RIMBP2: variants seen among roughly 807,000 people sequenced by gnomAD.
RIMBP2 encodes RIMS binding protein 2, also known as RIMS-binding protein 2.
In RIMBP2, 48 loss-of-function variants were observed where a neutral mutation model predicts 118.6. That is an observed-to-expected ratio of 0.40 (90% CI 0.32 to 0.51). The LOEUF is 0.51. RIMBP2 is among the 20% of genes least tolerant of loss of function. The pLI, the probability that RIMBP2 is intolerant of heterozygous loss-of-function variation, is 0.41. For synonymous variants in RIMBP2, 762 were observed against 742.9 expected (o/e 1.03, Z -0.42); for missense variants, 1,551 against 1,768.3 (o/e 0.88, Z 2.20).
chr12:130,629,563 T>C (rs2061854042), intron 1 of RIMBP2, among the ~76,000 whole-genome samples: 1 of 152,114 alleles, frequency 6.6e-6, no homozygotes, highest in Non-Finnish European at 1.5e-5. Context: ...ATGCAGCAGG[T>C]AGAGGTCATA....
At chr12:130,604,058 G>A (rs2060016846) in intron 2 of RIMBP2, among the ~76,000 whole-genome samples, 1 of 152,172 alleles carries the variant, frequency 6.6e-6, no homozygotes, top group Admixed American at 6.5e-5. Context: ...AGCAGGACAG[G>A]ACATGCAGGT....
intron 1 of RIMBP2, among the ~76,000 whole-genome samples, chr12:130,629,879 C>CAACCAAGGAGTAT (rs2061878343): frequency 6.7e-6 from 1 of 149,910 alleles, no homozygotes; most frequent in Admixed American, 6.7e-5. Flanking sequence ...CCAAGGAGTA[C>CAACCAAGGAGTAT]AGCTTCATTT....
intron 1 of RIMBP2, among the ~76,000 whole-genome samples, chr12:130,667,084 G>GAAGA (rs2063969755): frequency 1.3e-5 from 1 of 74,746 alleles, no homozygotes; most frequent in African/African-American, 5.4e-5. Flanking sequence ...AGGAAAAAAT[G>GAAGA]AGGGAGGGAG....
At chr12:130,635,561 T>G (rs2062301832) in intron 1 of RIMBP2, among the ~76,000 whole-genome samples, 3 of 152,170 alleles carry the variant, frequency 2.0e-5, no homozygotes, top group African/African-American at 7.2e-5. Flanking sequence ...GCTGACAGAA[T>G]GGCCACCACC....
intron 1 of RIMBP2, among the ~76,000 whole-genome samples, chr12:130,691,528 CG>C (rs1263777065): frequency 1.3e-5 from 2 of 152,064 alleles, no homozygotes; most frequent in East Asian, 3.9e-4. Context: ...AAAAATTAGC[CG>C]GATGTGATGG....
chr12:130,425,142 G>T, intron 15 of RIMBP2: 1 of 320,724 alleles, frequency 3.1e-6, no homozygotes, highest in Non-Finnish European at 5.7e-6. Flanking sequence ...GAGGGCAGGT[G>T]AGATCCCGGC....
chr12:130,688,930 G>A lies in RIMBP2; in HGVS notation c.-352+27292C>T, dbSNP rs2065190045. ...GCCCAGCAGAACTGGAGCGAAGGTCGGTCGCAGGCAGCAGAGAACTGCCCA... is the reference window on the plus strand; with the variant it reads ...GCCCAGCAGAACTGGAGCGAAGGTCAGTCGCAGGCAGCAGAGAACTGCCCA... On this transcript the variant is annotated intron_variant, in intron 1 of 22. Transcript: ENST00000690449. The surrounding 1 kb of genome is among the most constrained non-coding windows in gnomAD (Gnocchi z 4.7). Among the ~76,000 whole-genome samples the A allele has an allele frequency of 6.6e-6, 1 of 152,240 alleles. No homozygotes were observed.
At position 130,424,326 on chromosome 12, in the gene RIMBP2, C is replaced by T. The variant is rs2076622407; in HGVS notation, c.2945G>A (p.Gly982Asp). ...EDFGEQVGPG[G>D]LLRNDDPQPG... ...CTGGGGGTCGTCGTTCCTGAGGAGG[C>T]CACCAGGGCCCACCTGCTCCCCAAA... is the stretch of plus-strand genomic sequence containing the variant. Residue 982 changes from glycine (G) to aspartate (D), a missense_variant, in exon 16 of 23, where the codon GGC becomes GAC. Gly to Asp is a moderately conservative substitution (Grantham distance 94, BLOSUM62 -1). Transcript: ENST00000690449. This position sits in a 1 kb window ranked among gnomAD's most constrained non-coding sequence, Gnocchi z 9.8. 1.6e-6 allele frequency: 2 copies of T among 1,231,692 alleles called. No homozygotes were observed. The highest frequency in any genetic ancestry group is 4.2e-5 in the Admixed American group (1 of 23,684). 76.3% of individuals were successfully genotyped at this position (1,231,692 alleles called of 1,614,324 possible).
intron 1 of RIMBP2, among the ~76,000 whole-genome samples, chr12:130,644,698 G>A (rs924634465): frequency 9.2e-5 from 14 of 152,328 alleles, no homozygotes; most frequent in African/African-American, 2.4e-4. Flanking sequence ...AGCGAGTGAC[G>A]TCGGAAAAGC....
At chr12:130,421,274 A>G (rs767003298) in intron 17 of RIMBP2, among the ~76,000 whole-genome samples, 22 of 152,276 alleles carry the variant, frequency 1.4e-4, no homozygotes, top group Non-Finnish European at 2.9e-4. Flanking sequence ...CTGATCTGTA[A>G]TAAGTGCCAT....
intron 2 of RIMBP2, among the ~76,000 whole-genome samples, chr12:130,547,871 A>C (rs561767681): frequency 6.6e-6 from 1 of 152,348 alleles, no homozygotes; most frequent in Non-Finnish European, 1.5e-5. Context: ...TACTCATTTA[A>C]GCTTCTAAGC....
At chr12:130,598,961 G>A (rs1187930852) in intron 2 of RIMBP2, among the ~76,000 whole-genome samples, 3 of 152,070 alleles carry the variant, frequency 2.0e-5, no homozygotes, top group Non-Finnish European at 4.4e-5. Flanking sequence ...CCCACTTCGG[G>A]CTCCCAAAGC....
At chr12:130,554,522 A>G (rs879441384) in intron 2 of RIMBP2, among the ~76,000 whole-genome samples, 1 of 152,136 alleles carries the variant, frequency 6.6e-6, no homozygotes, top group Non-Finnish European at 1.5e-5. Context: ...CCTCAAATTC[A>G]ATGACAGTTA....
intron 18 of RIMBP2, 119 bp from the exon 19 acceptor site, chr12:130,412,906 C>T (rs2136482449): frequency 1.0e-6 from 1 of 953,830 alleles, no homozygotes; most frequent in East Asian, 2.7e-5. Context: ...TTTAAAAATA[C>T]CATAAATCAC....
intron 1 of RIMBP2, among the ~76,000 whole-genome samples, chr12:130,689,518 A>G (rs892228044): frequency 6.6e-6 from 1 of 152,126 alleles, no homozygotes; most frequent in Non-Finnish European, 1.5e-5. Flanking sequence ...CAGGCCCGAG[A>G]AAAAGGATGA....
chr12:130,692,144 G>A (rs2065335905), intron 1 of RIMBP2, among the ~76,000 whole-genome samples: 1 of 152,206 alleles, frequency 6.6e-6, no homozygotes, highest in African/African-American at 2.4e-5. Context: ...ACTGGGAGAT[G>A]AGAGGCCTGG....
At chr12:130,517,965 G>C (rs1483870140) in intron 2 of RIMBP2, 48 bp from the exon 3 acceptor site, 2 of 810,594 alleles carry the variant, frequency 2.5e-6, no homozygotes, top group Non-Finnish European at 3.0e-6. Context: ...CATGTTTAGA[G>C]ACTTGGTAGA....
intron 1 of RIMBP2, among the ~76,000 whole-genome samples, chr12:130,644,880 C>T (rs2062782426): frequency 6.6e-6 from 1 of 152,212 alleles, no homozygotes; most frequent in Non-Finnish European, 1.5e-5. Context: ...CTGTGGCCCA[C>T]TGGGTTTCCC....
intron 2 of RIMBP2, among the ~76,000 whole-genome samples, chr12:130,565,960 T>A (rs2057184776): frequency 6.6e-6 from 1 of 152,184 alleles, no homozygotes; most frequent in South Asian, 2.1e-4. Context: ...AAAACCTGTA[T>A]CAGAGATGAT....
Sources: gnomAD v4.1 joint callset for allele counts (sites outside exome capture counted in the v4.1 genomes callset) on GRCh38, gnomAD v4.1.1 for gene constraint, Gnocchi (gnomAD v3.1) non-coding constraint, MANE v1.5 for transcripts, NCBI Gene and HGNC (gene_info 2026-07-23, HGNC 2026-07-21) for gene names.